GRIK4: variants seen among roughly 807,000 people sequenced by gnomAD.
The protein encoded by GRIK4 is glutamate ionotropic receptor kainate type subunit 4, also known as glutamate receptor ionotropic, kainate 4.
GRIK4 carries 40 observed loss-of-function variants against 104.9 expected under a neutral mutation model. The observed-to-expected ratio is 0.38, with a 90% CI of 0.30 to 0.50. The LOEUF (loss-of-function observed/expected upper bound fraction) is 0.50, where lower values mean the gene tolerates loss of function less well. Ranked by LOEUF, GRIK4 falls within the 20% of genes least tolerant of loss-of-function variation. GRIK4 has a pLI of 0.93. For missense variants in GRIK4, 1,047 were observed against 1,308.1 expected (o/e 0.80, Z 3.08); for synonymous variants, 485 against 524.9 (o/e 0.92, Z 1.04).
chr11:120,548,400 G>C (rs1948107090), intron 1 of GRIK4, among the ~76,000 whole-genome samples: 1 of 152,010 alleles, frequency 6.6e-6, no homozygotes, highest in South Asian at 2.1e-4. Flanking sequence ...CAAGGGGATT[G>C]CAAGCAGAGG....
chr11:120,872,354 T>G (rs1954630970), intron 9 of GRIK4: 1 of 181,168 alleles, frequency 5.5e-6, no homozygotes, highest in Non-Finnish European at 1.2e-5. Context: ...CTCACACTGC[T>G]TACACTCTGC....
intron 3 of GRIK4, among the ~76,000 whole-genome samples, chr11:120,777,936 C>CA (rs200698302): frequency 0.2 from 22,470 of 111,958 alleles, 2,035 homozygotes; most frequent in Admixed American, 0.28. Context: ...GACTCCATCT[C>CA]AAAAAAAAAA....
chr11:120,875,819 T>C (rs1592021832), intron 11 of GRIK4, among the ~76,000 whole-genome samples: 1 of 152,244 alleles, frequency 6.6e-6, no homozygotes, highest in African/African-American at 2.4e-5. Context: ...TTACCCTTTT[T>C]CCCCTTTTCT....
chr11:120,874,043 G>C, intron 9 of GRIK4, 23 bp from the exon 10 acceptor site: 1 of 1,566,732 alleles, frequency 6.4e-7, no homozygotes, highest in Non-Finnish European at 8.7e-7. Context: ...CCCTCCCTCC[G>C]CCTGCTCCCC....
At chr11:120,689,170 T>G (rs1950318074) in intron 3 of GRIK4, among the ~76,000 whole-genome samples, 1 of 152,106 alleles carries the variant, frequency 6.6e-6, no homozygotes, top group Non-Finnish European at 1.5e-5. Flanking sequence ...GGAATAGTGC[T>G]GCTACAATAT....
chr11:120,611,459 A>G (rs1949036921), intron 1 of GRIK4, among the ~76,000 whole-genome samples: 1 of 152,204 alleles, frequency 6.6e-6, no homozygotes, highest in African/African-American at 2.4e-5. Flanking sequence ...TGTGTGAAAT[A>G]CCAAGTACAG....
intron 16 of GRIK4, among the ~76,000 whole-genome samples, chr11:120,958,957 G>C (rs1221039721): frequency 6.6e-6 from 1 of 152,188 alleles, no homozygotes; most frequent in Non-Finnish European, 1.5e-5. Flanking sequence ...AGGGAGAGCA[G>C]ACCTTGGGCA....
chr11:120,909,923 T>A (rs1942955120), intron 13 of GRIK4, among the ~76,000 whole-genome samples: 2 of 152,192 alleles, frequency 1.3e-5, no homozygotes, highest in Admixed American at 1.3e-4. Flanking sequence ...AAGCTTAATC[T>A]GCAATGCAAC....
chr11:120,726,834 TG>T (rs1951034814), intron 3 of GRIK4, among the ~76,000 whole-genome samples: 1 of 152,158 alleles, frequency 6.6e-6, no homozygotes, highest in African/African-American at 2.4e-5. Context: ...GCATGGTTTG[TG>T]GATCTTCCCA....
At chr11:120,609,739 C>A (rs1468269087) in intron 1 of GRIK4, among the ~76,000 whole-genome samples, 1 of 152,012 alleles carries the variant, frequency 6.6e-6, no homozygotes, top group East Asian at 1.9e-4. Context: ...GTCTCGAACT[C>A]CTGACCTCAG....
At chr11:120,517,826 A>G (rs1023922683) in intron 1 of GRIK4, among the ~76,000 whole-genome samples, 1 of 152,146 alleles carries the variant, frequency 6.6e-6, no homozygotes, top group Non-Finnish European at 1.5e-5. Context: ...TGGGAGCGTG[A>G]CTAGGGAGTA....
intron 11 of GRIK4, among the ~76,000 whole-genome samples, chr11:120,888,442 C>G (rs747688521): frequency 3.9e-5 from 6 of 152,038 alleles, no homozygotes; most frequent in Non-Finnish European, 7.3e-5. Context: ...AAATATAAAG[C>G]CTTTAGTCCA....
chr11:120,819,972 T>A lies in GRIK4; in HGVS notation c.511+52T>A. 2 of 1,573,796 alleles carry A rather than the reference T, an allele frequency of 1.3e-6. No homozygotes were observed. The highest frequency in any genetic ancestry group is 1.7e-6 in the Non-Finnish European group (2 of 1,148,734). ...CCAGACAGTCCAGTCTTGTTGATTT[T>A]GCCCTGATTCCCTGTGCCCCTGGCT... On this transcript the variant is annotated intron_variant, in intron 6 of 20. Transcript: ENST00000527524. The surrounding 1 kb of genome is among the most constrained non-coding windows in gnomAD (Gnocchi z 4.3).
chr11:120,597,909 C>T (rs1311101176), intron 1 of GRIK4, among the ~76,000 whole-genome samples: 2 of 152,120 alleles, frequency 1.3e-5, no homozygotes, highest in African/African-American at 4.8e-5. Flanking sequence ...GCCCTAATTA[C>T]TGCTTGATGG....
rs141821815 is a variant in GRIK4 at position 120,740,347 on chromosome 11, C to T, written c.83-62346C>T. On this transcript the variant is annotated intron_variant, in intron 3 of 20. Coordinates refer to ENST00000527524, the MANE Select transcript of GRIK4 (RefSeq NM_014619.5). ...CTAGACAATCACAGCCAGCCTTTTG[C>T]GGTGGCAGTAGCTCCCAGCCCCTCC... is the stretch of plus-strand genomic sequence containing the variant. Among the ~76,000 whole-genome samples, 11 of 152,300 alleles carry T rather than the reference C, an allele frequency of 7.2e-5. No individual in the cohort carries two copies. In the East Asian group the frequency reaches 1.4e-3, roughly 19 times the overall value.
At chr11:120,803,964 C>T (rs940299254) in intron 4 of GRIK4, among the ~76,000 whole-genome samples, 1 of 152,184 alleles carries the variant, frequency 6.6e-6, no homozygotes, top group Admixed American at 6.5e-5. Flanking sequence ...TAGTCAATGG[C>T]TGAGCTGGTT....
At chr11:120,858,605 A>G (rs1002985420) in intron 8 of GRIK4, 4 of 152,230 alleles carry the variant, frequency 2.6e-5, no homozygotes, top group African/African-American at 9.6e-5. Context: ...TTGAAAAGGC[A>G]GATATAATAT....
chr11:120,826,158 G>T (rs1052841798), intron 6 of GRIK4, among the ~76,000 whole-genome samples: 8 of 151,940 alleles, frequency 5.3e-5, no homozygotes, highest in African/African-American at 1.9e-4. Flanking sequence ...GTATAAGATG[G>T]GCTCTATCAA....
At chr11:120,792,034 G>A (rs955356268) in intron 3 of GRIK4, among the ~76,000 whole-genome samples, 1 of 152,288 alleles carries the variant, frequency 6.6e-6, no homozygotes, top group Middle Eastern at 3.4e-3. Flanking sequence ...AACCTCGAAA[G>A]TTGAAGACTA....
Sources: allele counts gnomAD v4.1 joint callset (sites outside exome capture counted in the v4.1 genomes callset), GRCh38; gene constraint gnomAD v4.1.1; non-coding constraint Gnocchi (gnomAD v3.1); transcripts MANE v1.5; gene names NCBI Gene and HGNC (gene_info 2026-07-23, HGNC 2026-07-21).